Variants in COPA observed in about 807,000 individuals in gnomAD.
COPA encodes coatomer subunit alpha.
A neutral mutation model predicts 158.7 loss-of-function variants in COPA; 10 were observed. The ratio of observed to expected loss-of-function variants is 0.06; its 90% CI spans 0.04 to 0.11. COPA has a LOEUF of 0.11. Ranked by LOEUF, COPA falls within the 10% of genes least tolerant of loss-of-function variation. The pLI, the probability that COPA is intolerant of heterozygous loss-of-function variation, is 1.00. For synonymous variants in COPA, 462 were observed against 542.8 expected (o/e 0.85, Z 2.07); for missense variants, 1,065 against 1,536.7 (o/e 0.69, Z 5.13).
chr1:160,314,445 A>G (rs1659072104), intron 8 of COPA, among the ~76,000 whole-genome samples: 1 of 152,152 alleles, frequency 6.6e-6, no homozygotes, highest in South Asian at 2.1e-4. Context: ...CCTGGGCAAC[A>G]TGGTAAAAAA....
chr1:160,293,330 A>G lies in COPA; in HGVS notation c.2754+56T>C, dbSNP rs1658300915. ...TAGAAAAGTAGCCAACACCTGTTAT[A>G]TACCAATCAAGTATTAGCCACTCAT... On this transcript the variant is annotated intron_variant, in intron 26 of 32. Coordinates refer to ENST00000241704, the MANE Select transcript of COPA (RefSeq NM_004371.4). 8 of 1,608,986 alleles carry G rather than the reference A, an allele frequency of 5.0e-6. No individual in the cohort carries two copies. The East Asian group carries it at 8.9e-5, about 18-fold the overall frequency.
intron 8 of COPA, among the ~76,000 whole-genome samples, chr1:160,316,199 A>T (rs2101850035): frequency 6.6e-6 from 1 of 152,240 alleles, no homozygotes; most frequent in African/African-American, 2.4e-5. Flanking sequence ...TTCTACTAAA[A>T]ATACCAAAAT....
At chr1:160,313,930 C>CA in intron 9 of COPA, 60 bp downstream of exon 9, 1 of 1,460,300 alleles carries the variant, frequency 6.8e-7, no homozygotes, top group South Asian at 1.5e-5. Flanking sequence ...AGAAGTATTC[C>CA]AATCTAATTT....
intron 14 of COPA, among the ~76,000 whole-genome samples, chr1:160,306,910 C>T (rs1004296651): frequency 6.6e-6 from 1 of 152,154 alleles, no homozygotes; most frequent in African/African-American, 2.4e-5. Context: ...GCGTTTTGGG[C>T]TCCTGTAGTC....
rs765186480 is a variant in COPA at position 160,295,845 on chromosome 1, G to T, written c.2367C>A (p.Asp789Glu). The T allele has an allele frequency of 5.6e-6, 9 of 1,610,206 alleles. No individual in the cohort carries two copies. The highest frequency in any genetic ancestry group is 3.3e-5 in the South Asian group (3 of 90,152). ...DPEKETIPDI[D>E]PNAKLLQPPA... ...GTGGCTGGAGCAGCTTGGCATTAGG[G>T]TCAATGTCTGGGATCTGAATAGTAG... is the stretch of plus-strand genomic sequence containing the variant. The change falls in exon 23 of 33, where the codon GAC becomes GAA. Residue 789 changes from aspartate (D) to glutamate (E), a missense_variant. By Grantham distance (45) the Asp-to-Glu change is conservative. Coordinates refer to ENST00000241704, the MANE Select transcript of COPA (RefSeq NM_004371.4).
chr1:160,307,614 A>G (rs1241121462), intron 13 of COPA, among the ~76,000 whole-genome samples: 1 of 113,134 alleles, frequency 8.8e-6, no homozygotes, highest in Non-Finnish European at 1.7e-5. Context: ...GACCCCCTCC[A>G]CAGGATGCAG....
chr1:160,310,370 T>C (rs1337676973), intron 11 of COPA, 112 bp from the exon 12 acceptor site: 1 of 517,148 alleles, frequency 1.9e-6, no homozygotes, highest in Non-Finnish European at 3.4e-6. Flanking sequence ...TATATACTCA[T>C]CACTTTTATA....
intron 19 of COPA, 81 bp from the exon 20 acceptor site, chr1:160,297,826 T>C: frequency 7.1e-7 from 1 of 1,398,844 alleles, no homozygotes; most frequent in East Asian, 2.3e-5. Context: ...CATCTGCATC[T>C]ATATAGATTT....
chr1:160,329,434 G>A (rs1485037791), intron 6 of COPA, among the ~76,000 whole-genome samples: 1 of 151,922 alleles, frequency 6.6e-6, no homozygotes, highest in African/African-American at 2.4e-5. Flanking sequence ...CTCTGATCTA[G>A]GGCCCTTAAT....
chr1:160,305,672 T>C lies in COPA; in HGVS notation c.1528+16A>G. 6.2e-7 allele frequency: 1 copy of C among 1,614,050 alleles called. No homozygotes were observed. The highest frequency in any genetic ancestry group is 1.1e-5 in the South Asian group (1 of 91,074). On this transcript the variant is annotated intron_variant, in intron 16 of 32. Coordinates refer to ENST00000241704, the MANE Select transcript of COPA (RefSeq NM_004371.4). ...GGAATGGTCTCTAAATCAGGGTGGA[T>C]ATAATGAAGACTCACCGTGTTTGGC...
chr1:160,333,027 C>T (rs999735683), intron 5 of COPA, among the ~76,000 whole-genome samples: 5 of 152,158 alleles, frequency 3.3e-5, no homozygotes, highest in East Asian at 1.9e-4. Flanking sequence ...CCAGTTCAAG[C>T]GATTCTCCGC....
At position 160,343,192 on chromosome 1, in the gene COPA, T is replaced by C. The variant is rs200505290; in HGVS notation, c.-22A>G. On this transcript the variant is annotated 5_prime_UTR_variant, in exon 1 of 33. Transcript: ENST00000241704. ...ACATCTCTCAGGTCTCCGACTCCGATGTCTTAATCCGAGCCCCGACACACC... is the reference window on the plus strand; with the variant it reads ...ACATCTCTCAGGTCTCCGACTCCGACGTCTTAATCCGAGCCCCGACACACC... The C allele has an allele frequency of 8.5e-5, 137 of 1,614,064 alleles. No individual in the cohort carries two copies. Among genetic ancestry groups the C allele is most frequent in the Admixed American group, 1.2e-4 (7 of 60,008 alleles).
chr1:160,310,183 G>T lies in COPA; in HGVS notation c.1143+9C>A. ...AGGAGAACCTAGGAGGGCTCCACAG[G>T]TTACTTACTGTACAAAGCAGGACTG... On this transcript the variant is annotated intron_variant, in intron 12 of 32. Coordinates refer to ENST00000241704, the MANE Select transcript of COPA (RefSeq NM_004371.4). 6.4e-7 allele frequency: 1 copy of T among 1,558,678 alleles called. No homozygotes were observed. Among genetic ancestry groups the T allele is most frequent in the Non-Finnish European group, 8.7e-7 (1 of 1,151,822 alleles).
intron 5 of COPA, 48 bp from the exon 6 acceptor site, chr1:160,332,605 A>C (rs1647583508): frequency 7.5e-7 from 1 of 1,330,252 alleles, no homozygotes. Flanking sequence ...GGAAGTCAAC[A>C]GACTCCTAAA....
Position 160,335,256 on chromosome 1 carries a change from T to C in COPA, c.295A>G (p.Thr99Ala). Residue 99 changes from threonine (T) to alanine (A), a missense_variant, in exon 4 of 33, where the codon ACG (threonine) becomes GCG (alanine). Physicochemically the swap from Thr to Ala is moderately conservative, Grantham distance 58 (BLOSUM62 0). Coordinates refer to ENST00000241704, the MANE Select transcript of COPA (RefSeq NM_004371.4). ...TGACTACTTACATGATGAAAAAACG[T>C]GGTGCGAATATAATCTAAGTGCCCA... Reference protein sequence around the residue: ...LLGHLDYIRTTFFHHEYPWIL... With the variant: ...LLGHLDYIRTAFFHHEYPWIL... The C allele has an allele frequency of 1.2e-6, 2 of 1,609,954 alleles. No individual in the cohort carries two copies. Among genetic ancestry groups the C allele is most frequent in the Non-Finnish European group, 1.7e-6 (2 of 1,177,988 alleles).
intron 17 of COPA, among the ~76,000 whole-genome samples, chr1:160,301,431 C>T (rs573653429): frequency 1.3e-5 from 2 of 152,236 alleles, no homozygotes; most frequent in South Asian, 4.1e-4. Flanking sequence ...TCAAGCATGT[C>T]AAGTAAGGGA....
chr1:160,297,107 C>T (rs1658440665), intron 21 of COPA, among the ~76,000 whole-genome samples: 1 of 152,176 alleles, frequency 6.6e-6, no homozygotes, highest in African/African-American at 2.4e-5. Flanking sequence ...TTTAAAACCT[C>T]CTATCTCCCC....
rs1234304516 is a variant in COPA, at chr1:160,292,559, G to A, written c.2885C>T (p.Thr962Ile). ...FGPYKQLFLQTYARGRTTYQA... is the reference protein window; with the variant it reads ...FGPYKQLFLQIYARGRTTYQA... ...ATAGGTTGTGCGGCCTCGGGCGTAT[G>A]TCTGTAGGAACAGTTGCTTGTAGGG... Residue 962 changes from threonine to isoleucine, a missense_variant, in exon 28 of 33, where the codon ACA (threonine) becomes ATA (isoleucine). This residue lies in a region of COPA where 980 missense variants were observed against 1,357.8 expected (regional missense o/e 0.72). Transcript: ENST00000241704. 1 of 1,613,990 alleles carries A rather than the reference G, an allele frequency of 6.2e-7. No homozygotes were observed. Among genetic ancestry groups the A allele is most frequent in the Non-Finnish European group, 8.5e-7 (1 of 1,180,000 alleles).
intron 31 of COPA, 65 bp from the exon 32 acceptor site, chr1:160,290,751 C>T (rs138175542): frequency 8.7e-6 from 13 of 1,487,838 alleles, no homozygotes; most frequent in Non-Finnish European, 1.2e-5. Flanking sequence ...AGGATCCCAA[C>T]ACCATGGTTT....
Sources: gnomAD v4.1 joint callset for allele counts (sites outside exome capture counted in the v4.1 genomes callset) on GRCh38, gnomAD v4.1.1 for gene constraint, gnomAD v4.1.1 regional missense constraint, MANE v1.5 for transcripts, NCBI Gene and HGNC (gene_info 2026-07-23, HGNC 2026-07-21) for gene names.